The following DIS3L2 variants were observed in gnomAD, a reference collection of about 807,000 sequenced individuals.
DIS3L2 encodes the protein DIS3 like 3'-5' exoribonuclease 2.
Under a neutral mutation model 97.5 loss-of-function variants are expected in DIS3L2, and 34 were observed. That is an observed-to-expected ratio of 0.35 (90% CI 0.27 to 0.46). DIS3L2 has a LOEUF of 0.46. Among genes scored for constraint, DIS3L2 ranks in the 20% least tolerant of loss-of-function variants. DIS3L2 has a pLI of 1.00. For missense variants in DIS3L2, 1,038 were observed against 1,146.0 expected (o/e 0.91, Z 1.36); for synonymous variants, 435 against 445.2 (o/e 0.98, Z 0.29).
At chr2:232,044,278 C>A (rs1695181283) in intron 5 of DIS3L2, among the ~76,000 whole-genome samples, 1 of 151,996 alleles carries the variant, frequency 6.6e-6, no homozygotes, top group Non-Finnish European at 1.5e-5. Flanking sequence ...AGCAAAGGGG[C>A]AAAATTGGTG....
At position 232,165,156 on chromosome 2, in the gene DIS3L2, A is replaced by G. The variant is rs113247364; in HGVS notation, c.1124+1524A>G. On this transcript the variant is annotated intron_variant, in intron 9 of 20. Coordinates refer to ENST00000325385, the MANE Select transcript of DIS3L2 (RefSeq NM_152383.5). ...TTAAAGACACTGCTAATGTCCATTA[A>G]TAAAGGAATGGTTTAGTAACCTGTG... Among the ~76,000 whole-genome samples, 137 of 152,380 alleles carry G rather than the reference A, an allele frequency of 9.0e-4. 1 individual carries two copies. Among genetic ancestry groups the G allele is most frequent in the Non-Finnish European group, 1.5e-3 (100 of 68,042 alleles).
At chr2:232,005,467 C>T (rs933585700) in intron 1 of DIS3L2, among the ~76,000 whole-genome samples, 1 of 152,260 alleles carries the variant, frequency 6.6e-6, no homozygotes, top group East Asian at 1.9e-4. Context: ...TCTAGCCAGG[C>T]GCAGCCTATG....
At chr2:232,275,084 A>G (rs760401922) in intron 13 of DIS3L2, among the ~76,000 whole-genome samples, 15 of 151,884 alleles carry the variant, frequency 9.9e-5, no homozygotes, top group Non-Finnish European at 4.4e-5. Flanking sequence ...TTGCCTCTGT[A>G]GAGTCTGGGC....
rs1396401091 is a variant in DIS3L2 at position 232,269,489 on chromosome 2, T to G, written c.1659+6049T>G. ...TCGTAGAGCTTTTCTATAAATAATATAGGAAAATAATGAGAGAGCCAGCAG... is the reference window on the plus strand; with the variant it reads ...TCGTAGAGCTTTTCTATAAATAATAGAGGAAAATAATGAGAGAGCCAGCAG... On this transcript the variant is annotated intron_variant, in intron 13 of 20. Coordinates refer to ENST00000325385, the MANE Select transcript of DIS3L2 (RefSeq NM_152383.5). This position sits in a 1 kb window ranked among gnomAD's most constrained non-coding sequence, Gnocchi z 4.5. 1.3e-5 allele frequency among the ~76,000 whole-genome samples: 2 copies of G among 152,116 alleles called. No homozygotes were observed. Among genetic ancestry groups the G allele is most frequent in the Non-Finnish European group, 2.9e-5 (2 of 68,010 alleles).
intron 8 of DIS3L2, among the ~76,000 whole-genome samples, chr2:232,142,452 C>T (rs1298944864): frequency 6.6e-6 from 1 of 152,166 alleles, no homozygotes; most frequent in African/African-American, 2.4e-5. Flanking sequence ...ACTGCAATTT[C>T]TAGTGCACCT....
intron 5 of DIS3L2, among the ~76,000 whole-genome samples, chr2:232,047,790 C>G (rs999853559): frequency 1.3e-5 from 2 of 152,212 alleles, no homozygotes; most frequent in Non-Finnish European, 2.9e-5. Context: ...TTTTCTTACT[C>G]TAGACATTTC....
intron 10 of DIS3L2, among the ~76,000 whole-genome samples, chr2:232,218,274 G>A: frequency 6.6e-6 from 1 of 152,192 alleles, no homozygotes; most frequent in East Asian, 1.9e-4. Flanking sequence ...ATATGTCCAT[G>A]TCATGTGCAC....
intron 10 of DIS3L2, among the ~76,000 whole-genome samples, chr2:232,220,784 A>G (rs1692480461): frequency 1.3e-5 from 2 of 152,148 alleles, no homozygotes; most frequent in South Asian, 2.1e-4. Flanking sequence ...TCTTAATGCC[A>G]TGTTGGTGAG....
downstream of DIS3L2, chr2:232,341,003 A>T (rs757586952): frequency 1.5e-4 from 71 of 460,500 alleles, 1 homozygote; most frequent in South Asian, 4.8e-5. Context: ...GTGAAACGAG[A>T]GGAGGTTGCT....
At chr2:231,978,617 C>G (rs1693162416) in intron 1 of DIS3L2, 1 of 152,220 alleles carries the variant, frequency 6.6e-6, no homozygotes, top group African/African-American at 2.4e-5. Flanking sequence ...AAACCAGTCT[C>G]CTTTAAGGCA....
chr2:232,041,999 C>T (rs2106253560), intron 5 of DIS3L2, among the ~76,000 whole-genome samples: 1 of 152,202 alleles, frequency 6.6e-6, no homozygotes, highest in East Asian at 1.9e-4. Flanking sequence ...TACAGCAGAG[C>T]AAAGTCTATA....
chr2:232,226,237 T>A (rs559630935), intron 10 of DIS3L2, among the ~76,000 whole-genome samples: 49 of 152,352 alleles, frequency 3.2e-4, no homozygotes, highest in African/African-American at 1.2e-3. Context: ...ACTGTAATAA[T>A]GATTGAAACA....
chr2:232,262,365 A>G (rs1446847324), intron 12 of DIS3L2, among the ~76,000 whole-genome samples: 1 of 152,238 alleles, frequency 6.6e-6, no homozygotes, highest in Non-Finnish European at 1.5e-5. Context: ...TTATTATACA[A>G]AATACAGAAA....
intron 13 of DIS3L2, among the ~76,000 whole-genome samples, chr2:232,282,469 A>G (rs1260559109): frequency 6.6e-6 from 1 of 152,176 alleles, no homozygotes; most frequent in Non-Finnish European, 1.5e-5. Context: ...ATAGCCAGCC[A>G]TTTGTGCAAG....
At chr2:232,217,225 T>C (rs866143204) in intron 10 of DIS3L2, among the ~76,000 whole-genome samples, 2 of 152,260 alleles carry the variant, frequency 1.3e-5, no homozygotes, top group South Asian at 2.1e-4. Flanking sequence ...CCATACCTGC[T>C]TCCACTGTGA....
At chr2:232,000,450 A>G (rs540459153) in intron 1 of DIS3L2, among the ~76,000 whole-genome samples, 1 of 152,104 alleles carries the variant, frequency 6.6e-6, no homozygotes, top group Non-Finnish European at 1.5e-5. Context: ...GGTAACCACC[A>G]TTCTCTGTTC....
At chr2:232,085,519 T>C (rs1696549609) in intron 5 of DIS3L2, among the ~76,000 whole-genome samples, 2 of 152,256 alleles carry the variant, frequency 1.3e-5, no homozygotes. Flanking sequence ...TTTATGTATA[T>C]ACAGGTGATC....
chr2:232,090,239 C>T (rs921767709), intron 6 of DIS3L2, among the ~76,000 whole-genome samples: 1 of 152,036 alleles, frequency 6.6e-6, no homozygotes, highest in African/African-American at 2.4e-5. Flanking sequence ...CTGGCCCCTC[C>T]CTCTTTCTTA....
intron 5 of DIS3L2, among the ~76,000 whole-genome samples, chr2:232,068,324 C>T (rs191811604): frequency 2.2e-3 from 329 of 151,460 alleles, no homozygotes; most frequent in Non-Finnish European, 3.8e-3. Flanking sequence ...GTAAGCCCAG[C>T]ACTTTGGGAG....
Sources: allele counts gnomAD v4.1 joint callset (sites outside exome capture counted in the v4.1 genomes callset), GRCh38; gene constraint gnomAD v4.1.1; non-coding constraint Gnocchi (gnomAD v3.1); transcripts MANE v1.5; gene names NCBI Gene and HGNC (gene_info 2026-07-23, HGNC 2026-07-21).